The following DCLK2 variants were observed in gnomAD, a reference collection of about 807,000 sequenced individuals.
DCLK2 encodes serine/threonine-protein kinase DCLK2.
A neutral mutation model predicts 78.4 loss-of-function variants in DCLK2; 31 were observed. That is an observed-to-expected ratio of 0.40 (90% CI 0.30 to 0.53). The LOEUF (loss-of-function observed/expected upper bound fraction) is 0.53. Among genes scored for constraint, DCLK2 ranks in the 20% least tolerant of loss-of-function variants. The pLI, the probability that DCLK2 is intolerant of heterozygous loss-of-function variation, is 0.61. For synonymous variants in DCLK2, 407 were observed against 374.9 expected, an observed-to-expected ratio of 1.09 and a Z score of -0.99; for missense variants, 872 against 973.7, an observed-to-expected ratio of 0.90 and a Z score of 1.39.
chr4:150,224,415 AAAATT>A, intron 7 of DCLK2, 81 bp from the exon 8 acceptor site: 2 of 1,340,802 alleles, frequency 1.5e-6, no homozygotes, highest in Non-Finnish European at 2.0e-6. Flanking sequence ...AAAAAAAAAA[AAAATT>A]AAAGTATAAA....
Position 150,257,397 on chromosome 4 carries a change from A to G in DCLK2, c.*1150A>G, listed in dbSNP as rs150556382. On this transcript the variant is annotated 3_prime_UTR_variant, in exon 16 of 16. Transcript: ENST00000296550. ...TCATTGTTAGATTTTGCCTTTTACA[A>G]GTGTCCCCAACCTGCAATAAACTTT... 424 of 152,748 alleles carry G rather than the reference A, an allele frequency of 2.8e-3. No homozygotes were observed. Among genetic ancestry groups the G allele is most frequent in the Non-Finnish European group, 4.0e-3 (275 of 68,034 alleles). The allele number at this position is 152,748 out of a possible 1,614,324, so 9.5% of individuals were successfully genotyped here. A position where few individuals can be genotyped will look rare whatever the true frequency, so the allele number is the denominator to read the frequency against.
At chr4:150,211,791 C>T (rs1248459641) in intron 5 of DCLK2, among the ~76,000 whole-genome samples, 2 of 152,150 alleles carry the variant, frequency 1.3e-5, no homozygotes, top group African/African-American at 2.4e-5. Flanking sequence ...TCCTGATTCT[C>T]CATTTTTCTG....
chr4:150,107,339 T>C (rs985019592), intron 2 of DCLK2, among the ~76,000 whole-genome samples: 13 of 152,088 alleles, frequency 8.5e-5, no homozygotes, highest in African/African-American at 3.1e-4. Flanking sequence ...GATGCAAGAT[T>C]GTTAGAATGT....
intron 2 of DCLK2, among the ~76,000 whole-genome samples, chr4:150,184,018 G>A (rs1163408699): frequency 6.6e-6 from 1 of 152,140 alleles, no homozygotes; most frequent in African/African-American, 2.4e-5. Flanking sequence ...ACAGGCGTGA[G>A]CCACCACACC....
chr4:150,209,290 G>A (rs1333962918), intron 5 of DCLK2, among the ~76,000 whole-genome samples: 1 of 152,178 alleles, frequency 6.6e-6, no homozygotes, highest in Non-Finnish European at 1.5e-5. Flanking sequence ...TGGTCACCTA[G>A]GGAGGAGGCA....
intron 2 of DCLK2, among the ~76,000 whole-genome samples, chr4:150,162,469 C>T (rs939001211): frequency 2.0e-5 from 3 of 152,088 alleles, no homozygotes; most frequent in Non-Finnish European, 4.4e-5. Context: ...TATAACTTTC[C>T]TCATAAAATT....
intron 2 of DCLK2, among the ~76,000 whole-genome samples, chr4:150,113,023 C>G (rs1731807265): frequency 6.6e-6 from 1 of 151,990 alleles, no homozygotes; most frequent in South Asian, 2.1e-4. Context: ...GTTGGCCAGA[C>G]TGGTCTCTAA....
intron 5 of DCLK2, among the ~76,000 whole-genome samples, chr4:150,205,384 G>C (rs993834879): frequency 6.6e-6 from 1 of 152,220 alleles, no homozygotes; most frequent in African/African-American, 2.4e-5. Context: ...GAAAAGGACA[G>C]AGCATCTGTT....
intron 2 of DCLK2, among the ~76,000 whole-genome samples, chr4:150,115,207 T>A (rs936716184): frequency 6.6e-6 from 1 of 152,348 alleles, no homozygotes; most frequent in Middle Eastern, 3.4e-3. Context: ...GTTTTTCATT[T>A]CCAGAAGTTC....
intron 2 of DCLK2, among the ~76,000 whole-genome samples, chr4:150,105,222 CA>C (rs1255959016): frequency 6.6e-6 from 1 of 151,928 alleles, no homozygotes; most frequent in Non-Finnish European, 1.5e-5. Flanking sequence ...GGGAAAATCA[CA>C]AAGTGTAAGG....
intron 1 of DCLK2, among the ~76,000 whole-genome samples, chr4:150,100,349 G>C (rs1730801833): frequency 6.6e-6 from 1 of 152,170 alleles, no homozygotes; most frequent in South Asian, 2.1e-4. Flanking sequence ...CTTGTGTAAG[G>C]AAACAAAATG....
chr4:150,184,598 CTTCTTTT>C (rs1560844517), intron 2 of DCLK2, among the ~76,000 whole-genome samples: 8 of 109,590 alleles, frequency 7.3e-5, no homozygotes, highest in African/African-American at 1.1e-4. Context: ...TCTTCTTCTT[CTTCTTTT>C]TTTTTTTTTT....
At chr4:150,162,016 C>T (rs1018306206) in intron 2 of DCLK2, among the ~76,000 whole-genome samples, 42 of 152,022 alleles carry the variant, frequency 2.8e-4, no homozygotes, top group African/African-American at 9.9e-4. Context: ...TCACCACCGT[C>T]TGTTTATTGG....
intron 5 of DCLK2, among the ~76,000 whole-genome samples, chr4:150,211,219 A>G (rs904135022): frequency 6.6e-6 from 1 of 152,130 alleles, no homozygotes; most frequent in Admixed American, 6.5e-5. Flanking sequence ...GGCTGTTGGC[A>G]GAAGGCCTCG....
intron 2 of DCLK2, among the ~76,000 whole-genome samples, chr4:150,110,711 C>T (rs1731624166): frequency 2.0e-5 from 3 of 152,288 alleles, no homozygotes; most frequent in African/African-American, 7.2e-5. Flanking sequence ...GCTTAGTTCC[C>T]ACTTAAAAGT....
chr4:150,122,794 C>G (rs932463927), intron 2 of DCLK2, among the ~76,000 whole-genome samples: 2 of 152,330 alleles, frequency 1.3e-5, no homozygotes, highest in East Asian at 3.9e-4. Context: ...CATCAGTTGT[C>G]TTAGCTGAAT....
intron 10 of DCLK2, among the ~76,000 whole-genome samples, chr4:150,233,105 C>A (rs1742209092): frequency 6.6e-6 from 1 of 152,236 alleles, no homozygotes; most frequent in South Asian, 2.1e-4. Context: ...GATTGACTCA[C>A]AGTTCCACAG....
chr4:150,092,979 C>G (rs893005090), intron 1 of DCLK2, among the ~76,000 whole-genome samples: 3 of 152,068 alleles, frequency 2.0e-5, no homozygotes, highest in Non-Finnish European at 4.4e-5. Context: ...GTACCTAAAT[C>G]AGAAAGGAAG....
intron 3 of DCLK2, among the ~76,000 whole-genome samples, chr4:150,196,390 A>C (rs1159888229): frequency 6.6e-6 from 1 of 152,226 alleles, no homozygotes; most frequent in Non-Finnish European, 1.5e-5. Context: ...TAACATCCAC[A>C]ATGCTAATTA....
Sources: gnomAD v4.1 joint callset for allele counts (sites outside exome capture counted in the v4.1 genomes callset) on GRCh38, gnomAD v4.1.1 for gene constraint, MANE v1.5 for transcripts, NCBI Gene and HGNC (gene_info 2026-07-23, HGNC 2026-07-21) for gene names.